C1orf141: variants seen among roughly 807,000 people sequenced by gnomAD.
C1orf141 encodes the protein chromosome 1 open reading frame 141.
A neutral mutation model predicts 23.2 loss-of-function variants in C1orf141; 19 were observed. The ratio of observed to expected loss-of-function variants is 0.82; its 90% CI spans 0.57 to 1.20. The LOEUF is 1.20. C1orf141 is among the 50% of genes most tolerant of loss of function. C1orf141 has a pLI of 0.00. For synonymous variants in C1orf141, 153 were observed against 154.6 expected, an observed-to-expected ratio of 0.99 and a Z score of 0.08; for missense variants, 469 against 455.1, an observed-to-expected ratio of 1.03 and a Z score of -0.28.
At chr1:67,104,145 G>A (rs1226452382) in intron 5 of C1orf141, among the ~76,000 whole-genome samples, 1 of 151,976 alleles carries the variant, frequency 6.6e-6, no homozygotes, top group African/African-American at 2.4e-5. Flanking sequence ...ATAAAATAGA[G>A]TAATATTACT....
chr1:67,095,522 G>T, intron 6 of C1orf141, 101 bp from the exon 7 acceptor site: 1 of 637,500 alleles, frequency 1.6e-6, no homozygotes, highest in South Asian at 2.3e-5. Flanking sequence ...GCCAACTTCT[G>T]CACCAACCTC....
intron 3 of C1orf141, among the ~76,000 whole-genome samples, chr1:67,126,858 G>A (rs1646425404): frequency 6.6e-6 from 1 of 152,208 alleles, no homozygotes. Context: ...GGAAACTCAT[G>A]TTCATACAAA....
At chr1:67,096,353 CAT>C (rs754292085) in intron 5 of C1orf141, 32 bp from the exon 6 acceptor site, 6 of 1,064,578 alleles carry the variant, frequency 5.6e-6, no homozygotes, top group Non-Finnish European at 8.4e-6. Flanking sequence ...ATAAAAGACA[CAT>C]AGATATTCTG....
At chr1:67,127,311 A>ACTTATGC in intron 2 of C1orf141, 54 bp from the exon 3 acceptor site, 3 of 1,021,496 alleles carry the variant, frequency 2.9e-6, no homozygotes, top group Non-Finnish European at 4.5e-6. Context: ...TAAACATAAA[A>ACTTATGC]CTAGGCATAA....
chr1:67,139,926 A>G (rs1646620174), upstream of C1orf141, among the ~76,000 whole-genome samples: 1 of 152,092 alleles, frequency 6.6e-6, no homozygotes, highest in African/African-American at 2.4e-5. Flanking sequence ...AGATTAATGG[A>G]TTATCATGGG....
At chr1:67,122,877 T>C (rs1372475749) in intron 4 of C1orf141, 1 of 152,192 alleles carries the variant, frequency 6.6e-6, no homozygotes, top group East Asian at 1.9e-4. Context: ...TGGGAGGTGT[T>C]AAACATACTA....
chr1:67,097,362 A>G (rs930450242), intron 5 of C1orf141, among the ~76,000 whole-genome samples: 1 of 152,216 alleles, frequency 6.6e-6, no homozygotes, highest in Admixed American at 6.5e-5. Context: ...TGGCTATAGA[A>G]GGCCTCTTTT....
chr1:67,103,324 CT>C, intron 5 of C1orf141: 1 of 1,489,012 alleles, frequency 6.7e-7, no homozygotes, highest in Non-Finnish European at 9.0e-7. Flanking sequence ...ACCCAGTGAT[CT>C]TCTACATGCT....
intron 4 of C1orf141, among the ~76,000 whole-genome samples, chr1:67,120,688 A>C (rs1351439472): frequency 6.6e-6 from 1 of 152,192 alleles, no homozygotes; most frequent in East Asian, 1.9e-4. Context: ...TCTGCAAAGC[A>C]GGAAGAGTGT....
chr1:67,093,783 A>C (rs1273780338), intron 7 of C1orf141, 179 bp from the exon 8 acceptor site: 1 of 402,172 alleles, frequency 2.5e-6, no homozygotes, highest in African/African-American at 2.1e-5. Flanking sequence ...TGTAACATAC[A>C]TCCTTCTTAT....
intron 5 of C1orf141, among the ~76,000 whole-genome samples, chr1:67,107,260 A>G (rs1645949764): frequency 6.6e-6 from 1 of 152,240 alleles, no homozygotes; most frequent in African/African-American, 2.4e-5. Context: ...AAAATCCAAC[A>G]GATATATTAA....
intron 5 of C1orf141, among the ~76,000 whole-genome samples, chr1:67,114,851 C>T (rs1292445911): frequency 1.3e-5 from 2 of 152,088 alleles, no homozygotes; most frequent in African/African-American, 2.4e-5. Flanking sequence ...AATTTTTGTA[C>T]GTTTAATAGA....
rs778547052 is a variant in C1orf141 at position 67,095,253 on chromosome 1, C to T, written c.585G>A (p.Lys195=). The T allele has an allele frequency of 3.8e-6, 6 of 1,582,290 alleles. No homozygotes were observed. Among genetic ancestry groups the T allele is most frequent in the Non-Finnish European group, 5.2e-6 (6 of 1,162,710 alleles). ...HAKIVNVSPT[K]TVTSHMEQKD... The stretch of plus-strand genomic sequence containing the variant: ...TTATTACCATGTGAGAAGTTACTGT[C>T]TTTGTTGGACTAACGTTGACTATCT... Residue 195 remains lysine, a synonymous_variant, in exon 7 of 8, where the codon AAG becomes AAA. Transcript: ENST00000684719.
chr1:67,111,815 T>A (rs1199283353), intron 5 of C1orf141, among the ~76,000 whole-genome samples: 2 of 152,228 alleles, frequency 1.3e-5, no homozygotes, highest in African/African-American at 4.8e-5. Context: ...TAGAATAATT[T>A]GCCTTAAAGT....
intron 5 of C1orf141, chr1:67,102,607 C>T (rs958743590): frequency 6.6e-6 from 1 of 152,022 alleles, no homozygotes; most frequent in Non-Finnish European, 1.5e-5. Flanking sequence ...CTGCTAAGAC[C>T]ATTGACGAAA....
chr1:67,121,212 C>T (rs954063730), intron 4 of C1orf141, among the ~76,000 whole-genome samples: 5 of 152,118 alleles, frequency 3.3e-5, no homozygotes, highest in South Asian at 2.1e-4. Flanking sequence ...ACTCATTCAT[C>T]GATGGTGTAA....
chr1:67,108,674 G>A (rs1334936636), intron 5 of C1orf141, among the ~76,000 whole-genome samples: 1 of 152,136 alleles, frequency 6.6e-6, no homozygotes, highest in Non-Finnish European at 1.5e-5. Flanking sequence ...GTTGCAGTGA[G>A]CAGAAATCGT....
intron 5 of C1orf141, 76 bp downstream of exon 5, chr1:67,115,276 C>T: frequency 3.2e-6 from 2 of 628,018 alleles, no homozygotes; most frequent in Non-Finnish European, 5.6e-6. Context: ...CTTTAAGACA[C>T]ACATCGGTAA....
Position 67,093,600 on chromosome 1 carries a change from T to G in C1orf141, c.608A>C (p.Gln203Pro), listed in dbSNP as rs1645602717. ...GAAAATTATGGGATTTGTGTCCTTT[T>G]GTTCCTGTAGATTAAAGAAAAGAAT... ...PTKTVTSHMEQKDTNPIIFHD... is the reference protein window; with the variant it reads ...PTKTVTSHMEPKDTNPIIFHD... Residue 203 changes from glutamine to proline, a missense_variant, in exon 8 of 8, where the codon CAA becomes CCA. This residue lies in a region of C1orf141 where 370 missense variants were observed against 348.1 expected (regional missense o/e 1.06). Coordinates refer to ENST00000684719, the MANE Select transcript of C1orf141 (RefSeq NM_001276351.2). The G allele has an allele frequency of 1.3e-6, 2 of 1,554,224 alleles. No homozygotes were observed. Among genetic ancestry groups the G allele is most frequent in the Non-Finnish European group, 1.7e-6 (2 of 1,152,636 alleles).
Sources: allele counts gnomAD v4.1 joint callset (sites outside exome capture counted in the v4.1 genomes callset), GRCh38; gene constraint gnomAD v4.1.1; regional missense constraint gnomAD v4.1.1; transcripts MANE v1.5; gene names NCBI Gene and HGNC (gene_info 2026-07-23, HGNC 2026-07-21).